MDGA2: variants seen among roughly 807,000 people sequenced by gnomAD.
The protein encoded by MDGA2 is MAM domain-containing glycosylphosphatidylinositol anchor protein 2.
A neutral mutation model predicts 117.8 loss-of-function variants in MDGA2; 40 were observed. The ratio of observed to expected loss-of-function variants is 0.34; its 90% CI spans 0.26 to 0.44. MDGA2 has a LOEUF of 0.44. MDGA2 is among the 20% of genes least tolerant of loss of function. The probability of loss-of-function intolerance (pLI) is 1.00; values close to 1 mark genes in which losing one functional copy is unlikely to be tolerated. For missense variants in MDGA2, 1,123 were observed against 1,250.6 expected (o/e 0.90, Z 1.54); for synonymous variants, 452 against 439.0 (o/e 1.03, Z -0.37).
chr14:46,859,581 A>G (rs1881423993), intron 14 of MDGA2, among the ~76,000 whole-genome samples: 3 of 152,132 alleles, frequency 2.0e-5, no homozygotes, highest in Admixed American at 2.0e-4. Context: ...CAGGCAGAGA[A>G]CTTGACTGTC....
intron 1 of MDGA2, among the ~76,000 whole-genome samples, chr14:47,451,506 G>C (rs1022342373): frequency 2.0e-5 from 3 of 152,122 alleles, no homozygotes; most frequent in Admixed American, 1.3e-4. Context: ...GGAACTGACT[G>C]CTAAAGCTTC....
chr14:47,367,689 A>G (rs1253411474), intron 1 of MDGA2, among the ~76,000 whole-genome samples: 1 of 152,178 alleles, frequency 6.6e-6, no homozygotes, highest in Non-Finnish European at 1.5e-5. Context: ...TCTCATCTAC[A>G]CAAGAGCAAC....
intron 1 of MDGA2, among the ~76,000 whole-genome samples, chr14:47,535,845 A>T (rs1182322920): frequency 1.3e-5 from 2 of 152,204 alleles, no homozygotes; most frequent in African/African-American, 4.8e-5. Flanking sequence ...CCACAAACTC[A>T]GTGGTTTAAA....
chr14:46,937,508 A>G (rs190609696), intron 9 of MDGA2, among the ~76,000 whole-genome samples: 4 of 152,184 alleles, frequency 2.6e-5, no homozygotes, highest in Non-Finnish European at 5.9e-5. Context: ...AATAGCCAAA[A>G]CAATCTTGAG....
chr14:47,464,669 A>G (rs1231977697), intron 1 of MDGA2, among the ~76,000 whole-genome samples: 1 of 152,202 alleles, frequency 6.6e-6, no homozygotes, highest in South Asian at 2.1e-4. Context: ...ACACTGCTCA[A>G]AGAAATCAGA....
intron 1 of MDGA2, among the ~76,000 whole-genome samples, chr14:47,390,708 C>T (rs1282977712): frequency 6.6e-6 from 1 of 152,146 alleles, no homozygotes; most frequent in Non-Finnish European, 1.5e-5. Flanking sequence ...CAGTTTAATG[C>T]TTATTCAATA....
chr14:47,655,321 C>T (rs984241996), intron 1 of MDGA2, among the ~76,000 whole-genome samples: 2 of 152,132 alleles, frequency 1.3e-5, no homozygotes, highest in African/African-American at 4.8e-5. Context: ...TTCTCATTCA[C>T]ATGGACATAA....
intron 1 of MDGA2, among the ~76,000 whole-genome samples, chr14:47,466,290 A>C (rs1227446583): frequency 3.3e-5 from 5 of 152,076 alleles, no homozygotes; most frequent in Non-Finnish European, 5.9e-5. Context: ...TCTACGTAAC[A>C]AAGATTTGCA....
chr14:47,544,957 G>A (rs1895430216), intron 1 of MDGA2, among the ~76,000 whole-genome samples: 1 of 152,160 alleles, frequency 6.6e-6, no homozygotes, highest in South Asian at 2.1e-4. Context: ...CTAACAGAAT[G>A]ATACCAAGGT....
intron 8 of MDGA2, among the ~76,000 whole-genome samples, chr14:46,989,331 AAG>A (rs1491180878): frequency 2.1e-4 from 31 of 148,434 alleles, no homozygotes; most frequent in African/African-American, 6.6e-4. Flanking sequence ...GGAAAAAAAA[AAG>A]GGGGGTATCC....
intron 8 of MDGA2, among the ~76,000 whole-genome samples, chr14:47,029,550 T>C (rs1190990955): frequency 6.6e-6 from 1 of 152,154 alleles, no homozygotes; most frequent in Non-Finnish European, 1.5e-5. Context: ...ATCTACATGG[T>C]GGAGATTTAA....
chr14:47,430,066 CAG>C (rs1183820909), intron 1 of MDGA2, among the ~76,000 whole-genome samples: 1 of 150,938 alleles, frequency 6.6e-6, no homozygotes, highest in African/African-American at 2.4e-5. Flanking sequence ...GAGTTGAAAT[CAG>C]AGAGGTACAG....
intron 2 of MDGA2, among the ~76,000 whole-genome samples, chr14:47,274,683 A>G (rs1888255426): frequency 6.6e-6 from 1 of 152,166 alleles, no homozygotes; most frequent in East Asian, 1.9e-4. Flanking sequence ...ATCATTTTTT[A>G]TTACTACTGG....
chr14:47,010,268 G>C (rs911359216), intron 8 of MDGA2, among the ~76,000 whole-genome samples: 1 of 151,880 alleles, frequency 6.6e-6, no homozygotes, highest in Admixed American at 6.6e-5. Flanking sequence ...GATGCTTTTT[G>C]AACTGATCCA....
intron 9 of MDGA2, among the ~76,000 whole-genome samples, chr14:46,934,905 T>A (rs1884721334): frequency 6.6e-6 from 1 of 152,150 alleles, no homozygotes. Flanking sequence ...ACATGCTGCA[T>A]TTGGCTTTTG....
At chr14:47,628,802 C>T (rs559247360) in intron 1 of MDGA2, among the ~76,000 whole-genome samples, 5 of 152,352 alleles carry the variant, frequency 3.3e-5, no homozygotes, top group Admixed American at 2.6e-4. Flanking sequence ...TCACTTTGTG[C>T]TACGCTTAAG....
intron 5 of MDGA2, among the ~76,000 whole-genome samples, chr14:47,122,720 C>A (rs1195453589): frequency 1.3e-5 from 2 of 152,012 alleles, no homozygotes; most frequent in Non-Finnish European, 2.9e-5. Flanking sequence ...TTTCTACCAA[C>A]TGAATTATTG....
Position 47,397,411 on chromosome 14 carries a change from TG to T in MDGA2, c.281-95862del, listed in dbSNP as rs565754147. On this transcript the variant is annotated intron_variant, in intron 1 of 16. Transcript: ENST00000399232. ...GGTTGATGGGTGCAGCAAACCACCA[TG>T]GCATATGTATACCTATGTAACAAAC... Among the ~76,000 whole-genome samples, 80 of 152,094 alleles carry T rather than the reference TG, an allele frequency of 5.3e-4. No individual in the cohort carries two copies. The South Asian group carries it at 7.7e-3, about 15-fold the overall frequency.
At chr14:47,217,803 A>G (rs1167909210) in intron 3 of MDGA2, among the ~76,000 whole-genome samples, 3 of 152,094 alleles carry the variant, frequency 2.0e-5, no homozygotes, top group African/African-American at 7.2e-5. Flanking sequence ...TATTGTTCCT[A>G]AGTGTTCCAT....
Sources: gnomAD v4.1 joint callset for allele counts (sites outside exome capture counted in the v4.1 genomes callset) on GRCh38, gnomAD v4.1.1 for gene constraint, MANE v1.5 for transcripts, NCBI Gene and HGNC (gene_info 2026-07-23, HGNC 2026-07-21) for gene names.